The following FIP1L1 variants were observed in gnomAD, a reference collection of about 807,000 sequenced individuals.
FIP1L1 encodes factor interacting with PAPOLA and CPSF1, also known as pre-mRNA 3'-end-processing factor FIP1.
In FIP1L1, 21 loss-of-function variants were observed where a neutral mutation model predicts 84.6. The ratio of observed to expected loss-of-function variants is 0.25; its 90% confidence interval spans 0.18 to 0.36. The LOEUF is 0.36. Ranked by LOEUF, FIP1L1 falls within the 10% of genes least tolerant of loss-of-function variation. The pLI, the probability that FIP1L1 is intolerant of heterozygous loss-of-function variation, is 1.00. For missense variants in FIP1L1, 526 were observed against 751.1 expected, an observed-to-expected ratio of 0.70 and a Z score of 3.50; for synonymous variants, 263 against 242.3, an observed-to-expected ratio of 1.09 and a Z score of -0.80.
chr4:53,456,201 A>T (rs1339903949), intron 16 of FIP1L1, among the ~76,000 whole-genome samples: 2 of 152,176 alleles, frequency 1.3e-5, no homozygotes, highest in Non-Finnish European at 2.9e-5. Flanking sequence ...AGAGTAAAAT[A>T]AATTGCTTTG....
intron 10 of FIP1L1, among the ~76,000 whole-genome samples, chr4:53,406,741 G>A (rs865947972): frequency 6.6e-6 from 1 of 152,092 alleles, no homozygotes; most frequent in Non-Finnish European, 1.5e-5. Flanking sequence ...GTCTTGGGAG[G>A]GTGTATGTGT....
At position 53,459,519 on chromosome 4, in the gene FIP1L1, T is replaced by TA. The variant is rs757706312; in HGVS notation, c.*72dup. The TA allele has an allele frequency of 4.6e-5, 74 of 1,598,048 alleles. No individual in the cohort carries two copies. The highest frequency in any genetic ancestry group is 6.3e-5 in the Non-Finnish European group (74 of 1,168,892). ...CTATAAATCTTGTTATTTTTCTGGA[T>TA]AATGTTTAAGAAATTTACCTTAAAT... On this transcript the variant is annotated 3_prime_UTR_variant, in exon 18 of 18. Coordinates refer to ENST00000337488, the MANE Select transcript of FIP1L1 (RefSeq NM_030917.4).
At chr4:53,432,590 A>C (rs904871487) in intron 13 of FIP1L1, among the ~76,000 whole-genome samples, 1 of 152,136 alleles carries the variant, frequency 6.6e-6, no homozygotes, top group Non-Finnish European at 1.5e-5. Flanking sequence ...ATAATAGCTA[A>C]TACTTATTGA....
At chr4:53,378,577 G>A (rs1372447432) in intron 1 of FIP1L1, 1 of 153,514 alleles carries the variant, frequency 6.5e-6, no homozygotes, top group Non-Finnish European at 1.4e-5. Flanking sequence ...ACATCATGGA[G>A]GTATCTCATG....
Position 53,390,607 on chromosome 4 carries a change from G to C in FIP1L1, c.484G>C (p.Asp162His), listed in dbSNP as rs1163302947. 6.2e-7 allele frequency: 1 copy of C among 1,609,060 alleles called. No individual in the cohort carries two copies. The highest frequency in any genetic ancestry group is 8.5e-7 in the Non-Finnish European group (1 of 1,175,786). ...AGAGGTAGATTTGGATTCTTTTGAA[G>C]ATAAACCATGGCGTAAACCTGGTAA... ...LLEVDLDSFEDKPWRKPGADL... is the reference protein window; with the variant it reads ...LLEVDLDSFEHKPWRKPGADL... The change falls in exon 7 of 18, where the codon GAT becomes CAT. Residue 162 changes from aspartate (D) to histidine (H), a missense_variant. Around this residue, in one of 6 missense-constraint regions of FIP1L1, gnomAD observed 169 missense variants for 206.9 expected, o/e 0.82. Coordinates refer to ENST00000337488, the MANE Select transcript of FIP1L1 (RefSeq NM_030917.4).
chr4:53,392,236 A>G (rs1324530656), intron 9 of FIP1L1, among the ~76,000 whole-genome samples: 2 of 152,212 alleles, frequency 1.3e-5, no homozygotes, highest in Non-Finnish European at 2.9e-5. Context: ...ATATTGAATG[A>G]CACTGGGATG....
At chr4:53,397,338 A>G (rs73250961) in intron 9 of FIP1L1, among the ~76,000 whole-genome samples, 198 of 152,288 alleles carry the variant, frequency 1.3e-3, no homozygotes, top group Non-Finnish European at 2.2e-3. Flanking sequence ...AAAATTGGCT[A>G]GAGAGATCAG....
intron 9 of FIP1L1, among the ~76,000 whole-genome samples, chr4:53,393,170 A>G (rs1745206164): frequency 6.6e-6 from 1 of 152,196 alleles, no homozygotes; most frequent in Admixed American, 6.5e-5. Flanking sequence ...TATTTAGAAA[A>G]GGAACTGGCA....
intron 9 of FIP1L1, among the ~76,000 whole-genome samples, chr4:53,393,764 G>GCCCC (rs35029503): frequency 3.9e-4 from 34 of 87,982 alleles, no homozygotes; most frequent in South Asian, 7.8e-4. Context: ...TTTCCCCCCG[G>GCCCC]CCCCCCCCCC....
rs116336013 is a variant in FIP1L1 at position 53,380,758 on chromosome 4, A to G, written c.170+1494A>G. ...AACTCAGTTCCTAATTCTGATCTCA[A>G]CCACAAAGTTGAGATTAGTTTTAGT... On this transcript the variant is annotated intron_variant, in intron 3 of 17. Coordinates refer to ENST00000337488, the MANE Select transcript of FIP1L1 (RefSeq NM_030917.4). Among the ~76,000 whole-genome samples, 369 of 152,308 alleles carry G rather than the reference A, an allele frequency of 2.4e-3. 1 individual carries two copies. Among genetic ancestry groups the G allele is most frequent in the African/African-American group, 8.4e-3 (348 of 41,580 alleles).
At chr4:53,388,635 G>A (rs1172882488) in intron 5 of FIP1L1, among the ~76,000 whole-genome samples, 8 of 152,216 alleles carry the variant, frequency 5.3e-5, no homozygotes, top group East Asian at 3.9e-4. Context: ...GTGCCCGGCC[G>A]TCTTACTGAT....
rs181162454 is a variant in FIP1L1, at chr4:53,409,696, G to A, written c.816-4919G>A. 2.3e-3 allele frequency among the ~76,000 whole-genome samples: 351 copies of A among 152,324 alleles called. 1 individual carries two copies. The highest frequency in any genetic ancestry group is 7.7e-3 in the African/African-American group (322 of 41,576). ...TACTTAAGGAAGCCTGGGCAATGGC[G>A]GGCGCCCCTCCCCCAGCCTCGCTGC... is the stretch of plus-strand genomic sequence containing the variant. On this transcript the variant is annotated intron_variant, in intron 10 of 17. Coordinates refer to ENST00000337488, the MANE Select transcript of FIP1L1 (RefSeq NM_030917.4).
chr4:53,409,271 G>T (rs1755680940), intron 10 of FIP1L1, among the ~76,000 whole-genome samples: 1 of 152,208 alleles, frequency 6.6e-6, no homozygotes, highest in Non-Finnish European at 1.5e-5. Flanking sequence ...TCCAGATCCT[G>T]TTTGCCTGGA....
chr4:53,445,107 G>A (rs1773621905), intron 15 of FIP1L1, among the ~76,000 whole-genome samples: 1 of 152,144 alleles, frequency 6.6e-6, no homozygotes, highest in Non-Finnish European at 1.5e-5. Context: ...GTGTGTTGTG[G>A]CTGGAATGTA....
At chr4:53,395,842 T>G (rs1156351809) in intron 9 of FIP1L1, among the ~76,000 whole-genome samples, 1 of 152,190 alleles carries the variant, frequency 6.6e-6, no homozygotes, top group Non-Finnish European at 1.5e-5. Flanking sequence ...ACAAATCCTA[T>G]TAGAATAATG....
intron 5 of FIP1L1, among the ~76,000 whole-genome samples, chr4:53,384,967 C>T (rs1740136244): frequency 6.6e-6 from 1 of 152,214 alleles, no homozygotes; most frequent in African/African-American, 2.4e-5. Context: ...TTTCAGGAAG[C>T]TTAAAGCCAA....
chr4:53,382,474 A>T (rs1243273931), intron 4 of FIP1L1, 139 bp downstream of exon 4: 16 of 630,214 alleles, frequency 2.5e-5, no homozygotes. Context: ...CTCCTACTTC[A>T]TCTGGTGCCA....
chr4:53,385,521 CTG>C (rs111261186), intron 5 of FIP1L1, among the ~76,000 whole-genome samples: 38 of 152,190 alleles, frequency 2.5e-4, no homozygotes, highest in South Asian at 2.1e-3. Context: ...AAACAAGAAA[CTG>C]TGATTTATGG....
chr4:53,403,127 A>G (rs1278520462), intron 10 of FIP1L1, among the ~76,000 whole-genome samples: 1 of 152,186 alleles, frequency 6.6e-6, no homozygotes, highest in Non-Finnish European at 1.5e-5. Flanking sequence ...TGAAAGGAGT[A>G]GCTGGGCAGC....
Sources: gnomAD v4.1 joint callset for allele counts (sites outside exome capture counted in the v4.1 genomes callset) on GRCh38, gnomAD v4.1.1 for gene constraint, gnomAD v4.1.1 regional missense constraint, MANE v1.5 for transcripts, NCBI Gene and HGNC (gene_info 2026-07-23, HGNC 2026-07-21) for gene names.